The following RFTN1 variants were observed in gnomAD, a reference collection of about 807,000 sequenced individuals.
RFTN1 encodes the protein raftlin.
RFTN1 carries 26 observed loss-of-function variants against 46.5 expected under a neutral mutation model. That is an observed-to-expected ratio of 0.56 (90% CI 0.41 to 0.78). The LOEUF (loss-of-function observed/expected upper bound fraction) is 0.78. Ranked by LOEUF, RFTN1 falls within the 30% of genes least tolerant of loss-of-function variation. The pLI is 0.00. For synonymous variants in RFTN1, 261 were observed against 284.2 expected, an observed-to-expected ratio of 0.92 and a Z score of 0.82; for missense variants, 693 against 718.7, an observed-to-expected ratio of 0.96 and a Z score of 0.41.
Position 16,506,227 on chromosome 3 carries a change from G to A in RFTN1, c.-9+7215C>T, listed in dbSNP as rs1575387406. Among the ~76,000 whole-genome samples the A allele has an allele frequency of 6.6e-6, 1 of 152,266 alleles. No homozygotes were observed. The highest frequency in any genetic ancestry group is 1.9e-4 in the East Asian group (1 of 5,170). On this transcript the variant is annotated intron_variant, in intron 1 of 9. Coordinates refer to ENST00000334133, the MANE Select transcript of RFTN1 (RefSeq NM_015150.2). The surrounding 1 kb of genome is among the most constrained non-coding windows in gnomAD (Gnocchi z 4.8). The stretch of plus-strand genomic sequence containing the variant: ...CACAGAGCGAGCCATGGGATAAGGG[G>A]GAGGGTGGGCTAGGCAAGGCAGTGG...
Position 16,322,395 on chromosome 3 carries a change from A to G in RFTN1, c.1332+981T>C, listed in dbSNP as rs2069170543. ...GTTCATTTACTTGATGCTCCTTCCC[A>G]GGGCTCTGTGTCCAAAGAACATGAG... On this transcript the variant is annotated intron_variant, in intron 9 of 9. Coordinates refer to ENST00000334133, the MANE Select transcript of RFTN1 (RefSeq NM_015150.2). This position sits in a 1 kb window ranked among gnomAD's most constrained non-coding sequence, Gnocchi z 6.2. Among the ~76,000 whole-genome samples the G allele has an allele frequency of 6.6e-6, 1 of 152,184 alleles. No individual in the cohort carries two copies. The highest frequency in any genetic ancestry group is 2.4e-5 in the African/African-American group (1 of 41,452).
At position 16,420,876 on chromosome 3, in the gene RFTN1, G is replaced by C. The variant is rs568085486; in HGVS notation, c.333-11393C>G. On this transcript the variant is annotated intron_variant, in intron 3 of 9. Transcript: ENST00000334133. ...CTCGTTAAAGTACAGACTCTGATTCGACAGGTCTGGGTAGGCCTGAGAGTC... is the reference window on the plus strand; with the variant it reads ...CTCGTTAAAGTACAGACTCTGATTCCACAGGTCTGGGTAGGCCTGAGAGTC... 1.4e-4 allele frequency among the ~76,000 whole-genome samples: 21 copies of C among 152,270 alleles called. No homozygotes were observed. The East Asian group carries it at 3.9e-3, about 28-fold the overall frequency.
chr3:16,362,041 A>G (rs929953504), intron 6 of RFTN1, among the ~76,000 whole-genome samples: 1 of 152,240 alleles, frequency 6.6e-6, no homozygotes, highest in Admixed American at 6.5e-5. Context: ...TGACTGACAC[A>G]ATGCACAACC....
At chr3:16,330,520 AC>A (rs2070205897) in intron 7 of RFTN1, among the ~76,000 whole-genome samples, 1 of 152,124 alleles carries the variant, frequency 6.6e-6, no homozygotes, top group African/African-American at 2.4e-5. Flanking sequence ...CACCAACAAC[AC>A]TCAAAAGCCA....
intron 4 of RFTN1, among the ~76,000 whole-genome samples, chr3:16,403,672 A>AAT (rs1195015509): frequency 1.3e-4 from 3 of 22,606 alleles, no homozygotes; most frequent in South Asian, 1.1e-3. Flanking sequence ...TTATGTATAT[A>AAT]ATATATAATA....
intron 7 of RFTN1, among the ~76,000 whole-genome samples, chr3:16,332,192 G>A (rs2070387349): frequency 6.6e-6 from 1 of 151,784 alleles, no homozygotes; most frequent in African/African-American, 2.4e-5. Context: ...CCTTTGATAA[G>A]TTTTCTCCCC....
chr3:16,450,834 G>C lies in RFTN1; in HGVS notation c.146-16797C>G, dbSNP rs1173086706. 2.6e-5 allele frequency among the ~76,000 whole-genome samples: 4 copies of C among 151,984 alleles called. No homozygotes were observed. The highest frequency in any genetic ancestry group is 9.7e-5 in the African/African-American group (4 of 41,382). Reference sequence around the variant, plus strand: ...AGCCAAAGAGATGGCTGGGAGATGAGGGAGAGGGATGGCAAAGACAGCTCC... The same window carrying C: ...AGCCAAAGAGATGGCTGGGAGATGACGGAGAGGGATGGCAAAGACAGCTCC... On this transcript the variant is annotated intron_variant, in intron 2 of 9. Transcript: ENST00000334133. This position sits in a 1 kb window ranked among gnomAD's most constrained non-coding sequence, Gnocchi z 4.6.
At chr3:16,324,752 C>T (rs1438843446) in intron 8 of RFTN1, among the ~76,000 whole-genome samples, 2 of 148,254 alleles carry the variant, frequency 1.3e-5, no homozygotes, top group Admixed American at 1.4e-4. Context: ...GTTTCCATTT[C>T]TTAGCTGTTG....
chr3:16,476,641 C>T (rs563049943), intron 2 of RFTN1, among the ~76,000 whole-genome samples: 2 of 152,118 alleles, frequency 1.3e-5, no homozygotes, highest in African/African-American at 2.4e-5. Flanking sequence ...GGACCCAAGG[C>T]TTCTAGGCAG....
At chr3:16,491,348 C>T (rs777616272) in intron 2 of RFTN1, among the ~76,000 whole-genome samples, 25 of 152,030 alleles carry the variant, frequency 1.6e-4, no homozygotes, top group Non-Finnish European at 3.1e-4. Flanking sequence ...TGGGAGAATG[C>T]GGTCAAGGAG....
At chr3:16,430,895 G>A (rs958279336) in intron 3 of RFTN1, among the ~76,000 whole-genome samples, 4 of 152,194 alleles carry the variant, frequency 2.6e-5, no homozygotes, top group African/African-American at 9.7e-5. Context: ...TGGAAAGTAA[G>A]TTCATTTGTT....
chr3:16,435,034 G>A (rs887552039), intron 2 of RFTN1, among the ~76,000 whole-genome samples: 4 of 152,108 alleles, frequency 2.6e-5, no homozygotes, highest in African/African-American at 4.8e-5. Flanking sequence ...GGCAAACAAC[G>A]TTCAAAAGTC....
Position 16,400,465 on chromosome 3 carries a change from C to G in RFTN1, c.441+8910G>C, listed in dbSNP as rs1269925685. 6.6e-6 allele frequency among the ~76,000 whole-genome samples: 1 copy of G among 152,238 alleles called. No homozygotes were observed. The highest frequency in any genetic ancestry group is 6.5e-5 in the Admixed American group (1 of 15,284). On this transcript the variant is annotated intron_variant, in intron 4 of 9. Coordinates refer to ENST00000334133, the MANE Select transcript of RFTN1 (RefSeq NM_015150.2). The surrounding 1 kb of genome is among the most constrained non-coding windows in gnomAD (Gnocchi z 4.5). The stretch of plus-strand genomic sequence containing the variant: ...TACAACCCTCATGTGCCCATCTGCT[C>G]TGTGTCTGTGCCCTCAGCTAGACTC...
In RFTN1 at chr3:16,345,458, T is replaced by G. The variant is rs989395416; in HGVS notation, c.1146+12474A>C. Among the ~76,000 whole-genome samples, 6 of 152,154 alleles carry G rather than the reference T, an allele frequency of 3.9e-5. No homozygotes were observed. The highest frequency in any genetic ancestry group is 7.2e-5 in the African/African-American group (3 of 41,436). On this transcript the variant is annotated intron_variant, in intron 7 of 9. Coordinates refer to ENST00000334133, the MANE Select transcript of RFTN1 (RefSeq NM_015150.2). The surrounding 1 kb of genome is among the most constrained non-coding windows in gnomAD (Gnocchi z 5.2). ...TTGTGAGGGTGTTTCTGGAAAAGAT[T>G]AGCATTTGAATGGGTCAACTGAGTA... is the stretch of plus-strand genomic sequence containing the variant.
chr3:16,417,247 G>T (rs1037138382), intron 3 of RFTN1, among the ~76,000 whole-genome samples: 1 of 150,922 alleles, frequency 6.6e-6, no homozygotes, highest in African/African-American at 2.4e-5. Flanking sequence ...TGATCCTCCC[G>T]CCTCAGCCTC....
chr3:16,323,637 T>A (rs2069342040), intron 8 of RFTN1, among the ~76,000 whole-genome samples, 180 bp from the exon 9 acceptor site: 1 of 152,194 alleles, frequency 6.6e-6, no homozygotes. Flanking sequence ...TCCGAGGGGC[T>A]ATCTCAGATG....
chr3:16,483,963 C>G lies in RFTN1; in HGVS notation c.145+9762G>C, dbSNP rs1052967700. On this transcript the variant is annotated intron_variant, in intron 2 of 9. Transcript: ENST00000334133. This position sits in a 1 kb window ranked among gnomAD's most constrained non-coding sequence, Gnocchi z 4.8. ...CCTCCAGGCTATTCTGATTCACTCT[C>G]AAGGTTGGGAACCACTCCTTTAAGC... Among the ~76,000 whole-genome samples the G allele has an allele frequency of 5.3e-5, 8 of 152,156 alleles. No individual in the cohort carries two copies.
At chr3:16,394,347 G>C (rs2074420297) in intron 4 of RFTN1, among the ~76,000 whole-genome samples, 1 of 152,164 alleles carries the variant, frequency 6.6e-6, no homozygotes, top group Non-Finnish European at 1.5e-5. Flanking sequence ...CTGCACTCTA[G>C]CTTGGGCAAC....
rs2073775992 is a variant in RFTN1 at position 16,376,438 on chromosome 3, G to A, written c.826+1280C>T. On this transcript the variant is annotated intron_variant, in intron 5 of 9. Coordinates refer to ENST00000334133, the MANE Select transcript of RFTN1 (RefSeq NM_015150.2). This position sits in a 1 kb window ranked among gnomAD's most constrained non-coding sequence, Gnocchi z 4.7. ...CCCTCCCACAGTCCTGGACCGTACA[G>A]AAGGACTCCAGTGAGGTCCATCTTC... Among the ~76,000 whole-genome samples, 1 of 152,112 alleles carries A rather than the reference G, an allele frequency of 6.6e-6. No individual in the cohort carries two copies. The highest frequency in any genetic ancestry group is 2.4e-5 in the African/African-American group (1 of 41,406).
Sources: gnomAD v4.1 joint callset for allele counts (sites outside exome capture counted in the v4.1 genomes callset) on GRCh38, gnomAD v4.1.1 for gene constraint, Gnocchi (gnomAD v3.1) non-coding constraint, MANE v1.5 for transcripts, NCBI Gene and HGNC (gene_info 2026-07-23, HGNC 2026-07-21) for gene names.